Variants in CHD4 observed in about 807,000 individuals in gnomAD.
CHD4 encodes the protein chromodomain helicase DNA binding protein 4, also known as ATP-dependent chromatin remodeler CHD4.
CHD4 carries 35 observed loss-of-function variants against 235.5 expected under a neutral mutation model. The observed-to-expected ratio is 0.15, with a 90% confidence interval of 0.11 to 0.20. The LOEUF is 0.20. Among genes scored for constraint, CHD4 ranks in the 10% least tolerant of loss-of-function variants. The pLI is 1.00. For synonymous variants in CHD4, 900 were observed against 850.2 expected (o/e 1.06, Z -1.02); for missense variants, 1,329 against 2,432.3 (o/e 0.55, Z 9.54).
intron 25 of CHD4, among the ~76,000 whole-genome samples, chr12:6,586,621 A>G (rs7965883): frequency 0.27 from 40,686 of 151,772 alleles, 6,908 homozygotes; most frequent in African/African-American, 0.49. Context: ...CTTCAGCCCA[A>G]GAGTTTAAGG....
chr12:6,588,188 T>C, intron 23 of CHD4, 110 bp downstream of exon 23: 2 of 1,393,460 alleles, frequency 1.4e-6, no homozygotes, highest in Non-Finnish European at 2.0e-6. Flanking sequence ...AAAGAATCTG[T>C]TGTTTCTCAC....
chr12:6,591,138 A>AC (rs1948390543), intron 22 of CHD4: 1 of 176,374 alleles, frequency 5.7e-6, no homozygotes, highest in Non-Finnish European at 1.2e-5. Flanking sequence ...AAAAAAAAAA[A>AC]AAAAAAAAAA....
chr12:6,577,401 G>A (rs1214187420), intron 37 of CHD4, among the ~76,000 whole-genome samples: 4 of 135,166 alleles, frequency 3.0e-5, no homozygotes, highest in South Asian at 2.4e-4. Flanking sequence ...CAGCCTGGGC[G>A]ACAGAGATTC....
At chr12:6,605,323 G>A (rs1397458613) in intron 2 of CHD4, among the ~76,000 whole-genome samples, 1 of 152,204 alleles carries the variant, frequency 6.6e-6, no homozygotes, top group Non-Finnish European at 1.5e-5. Context: ...AGGTCAAGGA[G>A]ATGAGTAGGT....
chr12:6,584,858 A>G (rs1168830935), intron 25 of CHD4: 1 of 152,268 alleles, frequency 6.6e-6, no homozygotes, highest in Non-Finnish European at 1.5e-5. Context: ...CACTTCTATT[A>G]CATTCACTGC....
At position 6,606,288 on chromosome 12, in the gene CHD4, G is replaced by A. The variant is rs1395818002; in HGVS notation, c.86C>T (p.Pro29Leu). 1.0e-5 allele frequency: 16 copies of A among 1,578,372 alleles called. No individual in the cohort carries two copies. The highest frequency in any genetic ancestry group is 1.2e-5 in the Non-Finnish European group (14 of 1,163,102). ...GAAGATGTTACCTGGGTGGGGTGGG[G>A]GCAGGCTGTTGTTCAAAAGTGCATC... ...DMDALLNNSL[P>L]PPHPENEEDP... The change falls in exon 2 of 40, where the codon CCC becomes CTC. Residue 29 changes from proline to leucine, a missense_variant. Transcript: ENST00000544040.
intron 38 of CHD4, chr12:6,571,731 C>CG (rs60122715): frequency 0.3 from 45,501 of 151,754 alleles, 9,458 homozygotes; most frequent in African/African-American, 0.6. Flanking sequence ...GAGGCAGAGG[C>CG]GGTGGATCAC....
chr12:6,580,544 T>TA (rs1405867728), intron 33 of CHD4: 1 of 152,112 alleles, frequency 6.6e-6, no homozygotes, highest in Non-Finnish European at 1.5e-5. Flanking sequence ...CCCTCTCTAC[T>TA]AAAAAATACA....
chr12:6,601,667 C>T lies in CHD4; in HGVS notation c.538G>A (p.Ala180Thr), dbSNP rs770297208. ...TTTTACCTGACAAACTGGCTGAAGGCCTTGTAGTTGGTGAGGGTTCGATAA... is the reference window on the plus strand; with the variant it reads ...TTTTACCTGACAAACTGGCTGAAGGTCTTGTAGTTGGTGAGGGTTCGATAA... ...EDYRTLTNYK[A>T]FSQFVRPLIA... Residue 180 changes from alanine (A) to threonine (T), a missense_variant, in exon 5 of 40, where the codon GCC (alanine) becomes ACC (threonine). Around this residue, in one of 26 missense-constraint regions of CHD4, gnomAD observed 39 missense variants for 86.6 expected, o/e 0.45. Transcript: ENST00000544040. The T allele has an allele frequency of 1.9e-6, 3 of 1,614,138 alleles. No homozygotes were observed. The highest frequency in any genetic ancestry group is 2.5e-6 in the Non-Finnish European group (3 of 1,180,010).
At chr12:6,599,136 T>TA (rs1335226153) in intron 10 of CHD4, among the ~76,000 whole-genome samples, 1 of 152,230 alleles carries the variant, frequency 6.6e-6, no homozygotes, top group Non-Finnish European at 1.5e-5. Context: ...GTGGCCCTAT[T>TA]AAACATTCTA....
chr12:6,596,186 C>T, intron 12 of CHD4, 49 bp from the exon 13 acceptor site: 1 of 1,602,648 alleles, frequency 6.2e-7, no homozygotes. Context: ...GGCAACCCTC[C>T]TCACTTCCTC....
chr12:6,594,448 G>C lies in CHD4; in HGVS notation c.2313+11C>G, dbSNP rs1010925302. 2 of 1,595,822 alleles carry C rather than the reference G, an allele frequency of 1.3e-6. No individual in the cohort carries two copies. The highest frequency in any genetic ancestry group is 1.3e-5 in the African/African-American group (1 of 74,262). Reference sequence around the variant, plus strand: ...CCCACACAAAAAACTATCCACCCCAGATTTCCTTACCTCCTTGTAAAGGGA... The same window carrying C: ...CCCACACAAAAAACTATCCACCCCACATTTCCTTACCTCCTTGTAAAGGGA... On this transcript the variant is annotated intron_variant, in intron 15 of 39. Transcript: ENST00000544040.
intron 9 of CHD4, 32 bp from the exon 10 acceptor site, chr12:6,600,044 A>C (rs1184793579): frequency 6.2e-7 from 1 of 1,606,328 alleles, no homozygotes; most frequent in Non-Finnish European, 8.5e-7. Flanking sequence ...TCAGATTATT[A>C]CCCCCACCCG....
At chr12:6,575,147 C>T (rs954595187) in intron 37 of CHD4, among the ~76,000 whole-genome samples, 4 of 152,108 alleles carry the variant, frequency 2.6e-5, no homozygotes. Context: ...ACTATCTGGC[C>T]CTTTAATAGA....
chr12:6,603,536 G>A (rs1948634625), intron 2 of CHD4, among the ~76,000 whole-genome samples: 1 of 151,422 alleles, frequency 6.6e-6, no homozygotes, highest in Non-Finnish European at 1.5e-5. Context: ...AGTGGCAGGG[G>A]AGGGGGTGGG....
chr12:6,583,134 T>G, intron 26 of CHD4, 21 bp from the exon 27 acceptor site: 1 of 1,384,594 alleles, frequency 7.2e-7, no homozygotes, highest in Non-Finnish European at 9.7e-7. Context: ...AGAGGGCAGA[T>G]GAGCGGGGCC....
At chr12:6,597,024 C>T (rs922699834) in intron 12 of CHD4, among the ~76,000 whole-genome samples, 3 of 150,732 alleles carry the variant, frequency 2.0e-5, no homozygotes, top group African/African-American at 7.3e-5. Context: ...AATCCCAGCA[C>T]TTTGGAAGGA....
At chr12:6,592,085 T>C (rs774731111) in intron 19 of CHD4, 28 bp from the exon 20 acceptor site, 1 of 1,613,614 alleles carries the variant, frequency 6.2e-7, no homozygotes. Context: ...AAAGACAGGT[T>C]AGACTTGAGA....
intron 25 of CHD4, among the ~76,000 whole-genome samples, chr12:6,585,185 G>A (rs1196053432): frequency 5.3e-5 from 8 of 152,130 alleles, no homozygotes; most frequent in African/African-American, 1.9e-4. Flanking sequence ...TCATTTAGGA[G>A]AGAAAAACAT....
Sources: gnomAD v4.1 joint callset for allele counts (sites outside exome capture counted in the v4.1 genomes callset) on GRCh38, gnomAD v4.1.1 for gene constraint, gnomAD v4.1.1 regional missense constraint, MANE v1.5 for transcripts, NCBI Gene and HGNC (gene_info 2026-07-23, HGNC 2026-07-21) for gene names.